The following ZNRF2 variants were observed in gnomAD, a reference collection of about 807,000 sequenced individuals.
The protein encoded by ZNRF2 is zinc and ring finger 2, also known as E3 ubiquitin-protein ligase ZNRF2.
Under a neutral mutation model 20.4 loss-of-function variants are expected in ZNRF2, and 16 were observed. The observed-to-expected ratio is 0.79, with a 90% confidence interval of 0.53 to 1.19. The LOEUF is 1.19. ZNRF2 is among the 50% of genes most tolerant of loss of function. The pLI is 0.00. For synonymous variants in ZNRF2, 178 were observed against 144.9 expected (o/e 1.23, Z -1.64); for missense variants, 363 against 332.4 (o/e 1.09, Z -0.72).
intron 3 of ZNRF2, among the ~76,000 whole-genome samples, chr7:30,360,465 G>T (rs1329852514): frequency 6.6e-6 from 1 of 152,124 alleles, no homozygotes; most frequent in African/African-American, 2.4e-5. Flanking sequence ...GGAGGCTGAG[G>T]TGGGTGGATC....
chr7:30,284,663 A>G lies in ZNRF2; in HGVS notation c.-695A>G, dbSNP rs1367890502. Reference sequence around the variant, plus strand: ...CGGCCTTCCGGCGCGGGGCCGGGGAACCTCCTCCCCATCTGCGCACCCCCC... The same window carrying G: ...CGGCCTTCCGGCGCGGGGCCGGGGAGCCTCCTCCCCATCTGCGCACCCCCC... On this transcript the variant is annotated 5_prime_UTR_variant, in exon 1 of 5. Transcript: ENST00000323037. The G allele has an allele frequency of 6.5e-6, 1 of 153,322 alleles. No individual in the cohort carries two copies. 9.5% of individuals were successfully genotyped at this position (153,322 alleles called of 1,614,324 possible).
chr7:30,288,471 A>G (rs562397592), intron 1 of ZNRF2, among the ~76,000 whole-genome samples: 6 of 152,318 alleles, frequency 3.9e-5, no homozygotes, highest in African/African-American at 1.4e-4. Flanking sequence ...TTTTATTTTT[A>G]ACACTTAAGA....
At chr7:30,349,584 TA>T (rs571078299) in intron 2 of ZNRF2, among the ~76,000 whole-genome samples, 3,732 of 145,216 alleles carry the variant, frequency 0.026, 131 homozygotes, top group African/African-American at 0.081. Flanking sequence ...AACTGTAAAT[TA>T]AAAAAAAAAA....
At chr7:30,362,286 A>T in intron 3 of ZNRF2, 91 bp from the exon 4 acceptor site, 1 of 814,500 alleles carries the variant, frequency 1.2e-6, no homozygotes. Context: ...TCTGTAAAAA[A>T]TATATTAAAG....
chr7:30,345,275 C>T (rs1009885785), intron 2 of ZNRF2, among the ~76,000 whole-genome samples: 2 of 151,850 alleles, frequency 1.3e-5, no homozygotes, highest in Admixed American at 1.3e-4. Context: ...CTTGATGTTC[C>T]TGTGATTTCT....
At chr7:30,328,778 A>C (rs2127948399) in intron 2 of ZNRF2, among the ~76,000 whole-genome samples, 1 of 152,314 alleles carries the variant, frequency 6.6e-6, no homozygotes, top group African/African-American at 2.4e-5. Context: ...ACTCTCAGGG[A>C]TTGGGCAGCT....
intron 2 of ZNRF2, among the ~76,000 whole-genome samples, chr7:30,339,281 A>G (rs1051497620): frequency 1.5e-4 from 23 of 151,916 alleles, no homozygotes; most frequent in African/African-American, 5.1e-4. Context: ...ATTAGATCCC[A>G]TTTGTCAATT....
intron 2 of ZNRF2, among the ~76,000 whole-genome samples, chr7:30,337,586 G>T (rs1002692470): frequency 6.6e-6 from 1 of 152,076 alleles, no homozygotes; most frequent in Non-Finnish European, 1.5e-5. Context: ...TTTCTCTGGA[G>T]TTGACATTGT....
chr7:30,300,064 G>C (rs537025508), intron 1 of ZNRF2, among the ~76,000 whole-genome samples: 1 of 149,116 alleles, frequency 6.7e-6, no homozygotes, highest in African/African-American at 2.5e-5. Flanking sequence ...GATTACAGGC[G>C]TGAGCCATCC....
chr7:30,349,124 A>G (rs1291445404), intron 2 of ZNRF2, among the ~76,000 whole-genome samples: 3 of 152,222 alleles, frequency 2.0e-5, no homozygotes, highest in Admixed American at 1.3e-4. Flanking sequence ...ACAATCAGCT[A>G]ACATTTAGTG....
intron 1 of ZNRF2, among the ~76,000 whole-genome samples, chr7:30,304,118 C>T (rs973812861): frequency 2.6e-5 from 4 of 152,112 alleles, no homozygotes; most frequent in African/African-American, 9.7e-5. Context: ...TTGAGGGTAT[C>T]CTAGCTGAAG....
Position 30,343,683 on chromosome 7 carries a change from A to G in ZNRF2, c.566-12045A>G, listed in dbSNP as rs566234182. ...TTCTTTTAGTTTGTATTTGCCTGATAAGTTTTTTTTTTCATTTTCATTTCC... is the reference window on the plus strand; with the variant it reads ...TTCTTTTAGTTTGTATTTGCCTGATGAGTTTTTTTTTTCATTTTCATTTCC... On this transcript the variant is annotated intron_variant, in intron 2 of 4. Coordinates refer to ENST00000323037, the MANE Select transcript of ZNRF2 (RefSeq NM_147128.4). Among the ~76,000 whole-genome samples the G allele has an allele frequency of 2.1e-5, 3 of 144,092 alleles. No homozygotes were observed. In the South Asian group the frequency reaches 6.7e-4, roughly 32 times the overall value. The allele number at this position is 144,092 out of a possible 152,430, so 94.5% of individuals were successfully genotyped here. A position where few individuals can be genotyped will look rare whatever the true frequency, so the allele number is the denominator to read the frequency against.
At chr7:30,340,763 G>A (rs554220344) in intron 2 of ZNRF2, among the ~76,000 whole-genome samples, 1 of 152,244 alleles carries the variant, frequency 6.6e-6, no homozygotes, top group South Asian at 2.1e-4. Flanking sequence ...CATAAATTGA[G>A]TTAGGGAGGA....
At chr7:30,354,214 G>A (rs1171225758) in intron 2 of ZNRF2, among the ~76,000 whole-genome samples, 1 of 152,014 alleles carries the variant, frequency 6.6e-6, no homozygotes, top group South Asian at 2.1e-4. Flanking sequence ...AACATTTTCC[G>A]TTTATCCAGC....
intron 3 of ZNRF2, among the ~76,000 whole-genome samples, chr7:30,358,021 T>A (rs1471722177): frequency 6.6e-6 from 1 of 152,156 alleles, no homozygotes; most frequent in East Asian, 1.9e-4. Flanking sequence ...GTTGCATTTA[T>A]GCTAGGGAAT....
At chr7:30,354,979 C>T (rs1800014515) in intron 2 of ZNRF2, among the ~76,000 whole-genome samples, 1 of 152,202 alleles carries the variant, frequency 6.6e-6, no homozygotes, top group South Asian at 2.1e-4. Flanking sequence ...AGAACCTTAA[C>T]ATTTTTTCAA....
At chr7:30,353,470 T>G (rs1799988668) in intron 2 of ZNRF2, among the ~76,000 whole-genome samples, 1 of 152,138 alleles carries the variant, frequency 6.6e-6, no homozygotes, top group Non-Finnish European at 1.5e-5. Context: ...GCATTCTGAA[T>G]TACACTAAAA....
chr7:30,362,514 ATAATTT>A, intron 4 of ZNRF2, 58 bp downstream of exon 4: 2 of 1,075,892 alleles, frequency 1.9e-6, no homozygotes, highest in Non-Finnish European at 2.7e-6. Context: ...ATTCTAAACT[ATAATTT>A]TTATTTATTC....
intron 2 of ZNRF2, 43 bp downstream of exon 2, chr7:30,323,780 C>T (rs776721215): frequency 8.0e-7 from 1 of 1,253,494 alleles, no homozygotes; most frequent in East Asian, 2.7e-5. Context: ...TTAGAATTAA[C>T]TTACATTTTA....
Sources: gnomAD v4.1 joint callset for allele counts (sites outside exome capture counted in the v4.1 genomes callset) on GRCh38, gnomAD v4.1.1 for gene constraint, MANE v1.5 for transcripts, NCBI Gene and HGNC (gene_info 2026-07-23, HGNC 2026-07-21) for gene names.